RSRC1: variants seen among roughly 807,000 people sequenced by gnomAD.
The protein encoded by RSRC1 is arginine and serine rich coiled-coil 1, also known as serine/Arginine-related protein 53.
In RSRC1, 39 loss-of-function variants were observed where a neutral mutation model predicts 49.1. The ratio of observed to expected loss-of-function variants is 0.79; its 90% CI spans 0.61 to 1.04. RSRC1 has a LOEUF of 1.04. Ranked by LOEUF, RSRC1 falls within the 50% of genes least tolerant of loss-of-function variation. RSRC1 has a pLI of 0.00. For synonymous variants in RSRC1, 143 were observed against 130.8 expected (o/e 1.09, Z -0.63); for missense variants, 388 against 402.4 (o/e 0.96, Z 0.31).
At chr3:158,498,138 G>T (rs1275187214) in intron 7 of RSRC1, among the ~76,000 whole-genome samples, 1 of 152,082 alleles carries the variant, frequency 6.6e-6, no homozygotes, top group Non-Finnish European at 1.5e-5. Context: ...GTTCTTTAAG[G>T]AATCTCCATG....
chr3:158,199,278 C>T (rs1470244186), intron 3 of RSRC1, among the ~76,000 whole-genome samples: 3 of 151,996 alleles, frequency 2.0e-5, no homozygotes, highest in Non-Finnish European at 4.4e-5. Context: ...TGTAAATTTC[C>T]CAGTCTCAGG....
intron 1 of RSRC1, among the ~76,000 whole-genome samples, chr3:158,121,025 GTTACCATAACTATATAGAA>G (rs1715222193): frequency 6.6e-6 from 1 of 151,548 alleles, no homozygotes; most frequent in Non-Finnish European, 1.5e-5. Flanking sequence ...AAATGTCCGT[GTTACCATAACTATATAGAA>G]ATAGTTTGAA....
chr3:158,210,239 T>C (rs1203581876), intron 4 of RSRC1, among the ~76,000 whole-genome samples: 1 of 152,110 alleles, frequency 6.6e-6, no homozygotes, highest in Non-Finnish European at 1.5e-5. Context: ...GGCTGTGTGA[T>C]AGCTGTTGTC....
chr3:158,469,575 A>G (rs1004519283), intron 7 of RSRC1: 4 of 155,646 alleles, frequency 2.6e-5, no homozygotes, highest in African/African-American at 9.6e-5. Flanking sequence ...ATCTACACTT[A>G]TTGAGAAGAA....
chr3:158,227,458 T>A (rs768331655), intron 4 of RSRC1, among the ~76,000 whole-genome samples: 1 of 151,958 alleles, frequency 6.6e-6, no homozygotes, highest in Admixed American at 6.6e-5. Flanking sequence ...CATCTTTGTC[T>A]TCCTCCCTTG....
intron 6 of RSRC1, among the ~76,000 whole-genome samples, chr3:158,388,891 G>A (rs1733115707): frequency 6.6e-6 from 1 of 152,156 alleles, no homozygotes; most frequent in Non-Finnish European, 1.5e-5. Context: ...TTACAGGCAT[G>A]AGCCACTGCA....
chr3:158,441,527 G>C (rs1045624381), intron 6 of RSRC1, among the ~76,000 whole-genome samples: 3 of 151,772 alleles, frequency 2.0e-5, no homozygotes, highest in Non-Finnish European at 4.4e-5. Context: ...TAAGATTTGG[G>C]GTCACAAGAT....
chr3:158,442,177 G>A (rs986575794), intron 6 of RSRC1, among the ~76,000 whole-genome samples: 3 of 152,080 alleles, frequency 2.0e-5, no homozygotes, highest in African/African-American at 7.2e-5. Flanking sequence ...GGCGGTTGCT[G>A]AAGGTTGGGA....
chr3:158,129,457 A>T (rs1715862279), intron 3 of RSRC1, among the ~76,000 whole-genome samples: 1 of 151,632 alleles, frequency 6.6e-6, no homozygotes, highest in African/African-American at 2.4e-5. Flanking sequence ...CGTCCAGCTA[A>T]TTTTTGTAAT....
At chr3:158,487,457 C>G (rs1315805102) in intron 7 of RSRC1, among the ~76,000 whole-genome samples, 5 of 152,224 alleles carry the variant, frequency 3.3e-5, no homozygotes, top group Admixed American at 6.5e-5. Flanking sequence ...AATCACTGTT[C>G]GCCGGATAGC....
At chr3:158,381,764 A>G (rs891091441) in intron 6 of RSRC1, among the ~76,000 whole-genome samples, 1 of 152,210 alleles carries the variant, frequency 6.6e-6, no homozygotes, top group African/African-American at 2.4e-5. Flanking sequence ...GGTACAGTAA[A>G]GATATGCTAT....
chr3:158,275,457 A>G (rs1445077834), intron 4 of RSRC1, among the ~76,000 whole-genome samples: 8 of 152,240 alleles, frequency 5.3e-5, no homozygotes, highest in East Asian at 1.9e-4. Context: ...GAGCATTGCC[A>G]TCATCCCAGT....
chr3:158,516,118 C>T (rs1740512521), intron 7 of RSRC1, among the ~76,000 whole-genome samples: 1 of 152,246 alleles, frequency 6.6e-6, no homozygotes. Context: ...ATTCTCCGTC[C>T]AGCTTTGTTC....
Position 158,147,660 on chromosome 3 carries a change from A to G in RSRC1, c.320+23669A>G, listed in dbSNP as rs985227064. On this transcript the variant is annotated intron_variant, in intron 3 of 9. Coordinates refer to ENST00000611884, the MANE Select transcript of RSRC1 (RefSeq NM_001271838.2). ...AGTCATGTACAATAATCAGCCTCCAAAAACAAATTTAAAAAGTATTTCCTG... is the reference window on the plus strand; with the variant it reads ...AGTCATGTACAATAATCAGCCTCCAGAAACAAATTTAAAAAGTATTTCCTG... 4.6e-5 allele frequency among the ~76,000 whole-genome samples: 7 copies of G among 152,272 alleles called. No individual in the cohort carries two copies. The South Asian group carries it at 1.4e-3, about 32-fold the overall frequency.
intron 6 of RSRC1, among the ~76,000 whole-genome samples, chr3:158,451,846 G>T (rs2108391224): frequency 6.6e-6 from 1 of 152,076 alleles, no homozygotes; most frequent in Non-Finnish European, 1.5e-5. Context: ...AAATGAGGAA[G>T]AAACTTTAGA....
chr3:158,151,601 C>G (rs1006419276), intron 3 of RSRC1, among the ~76,000 whole-genome samples: 13 of 152,136 alleles, frequency 8.5e-5, no homozygotes, highest in South Asian at 2.1e-4. Context: ...GTACATATGT[C>G]CTGAATGCCA....
intron 6 of RSRC1, 145 bp downstream of exon 6, chr3:158,355,053 A>G (rs1731086734): frequency 2.1e-6 from 1 of 485,438 alleles, no homozygotes. Context: ...ATGTATGGCC[A>G]TATATTATCT....
chr3:158,401,496 A>C (rs1160169056), intron 6 of RSRC1, among the ~76,000 whole-genome samples: 1 of 152,030 alleles, frequency 6.6e-6, no homozygotes, highest in Non-Finnish European at 1.5e-5. Flanking sequence ...ACGAGAAGAA[A>C]TTGACCAAGA....
intron 7 of RSRC1, among the ~76,000 whole-genome samples, chr3:158,523,232 A>G (rs1711801313): frequency 6.6e-6 from 1 of 152,070 alleles, no homozygotes; most frequent in South Asian, 2.1e-4. Flanking sequence ...CTTATTATAT[A>G]TAATACTTTG....
Sources: allele counts gnomAD v4.1 joint callset (sites outside exome capture counted in the v4.1 genomes callset), GRCh38; gene constraint gnomAD v4.1.1; transcripts MANE v1.5; gene names NCBI Gene and HGNC (gene_info 2026-07-23, HGNC 2026-07-21).